The following ABCF3 variants were observed in gnomAD, a reference collection of about 807,000 sequenced individuals.
The protein encoded by ABCF3 is ATP binding cassette subfamily F member 3.
A neutral mutation model predicts 94.3 loss-of-function variants in ABCF3; 62 were observed. The ratio of observed to expected loss-of-function variants is 0.66; its 90% CI spans 0.54 to 0.81. The LOEUF (loss-of-function observed/expected upper bound fraction) is 0.81. Among genes scored for constraint, ABCF3 ranks in the 40% least tolerant of loss-of-function variants. The pLI, the probability that ABCF3 is intolerant of heterozygous loss-of-function variation, is 0.00. For missense variants in ABCF3, 843 were observed against 925.3 expected (o/e 0.91, Z 1.15); for synonymous variants, 355 against 361.1 (o/e 0.98, Z 0.19).
intron 2 of ABCF3, 66 bp downstream of exon 2, chr3:184,186,720 G>T: frequency 6.3e-7 from 1 of 1,591,334 alleles, no homozygotes; most frequent in South Asian, 1.1e-5. Context: ...GACAAGAGGT[G>T]GGGGAGGAAG....
In ABCF3 at chr3:184,192,653, A is replaced by G; in HGVS notation, c.1622A>G (p.Asp541Gly). ...ACCATGCTGAAGCTGCTTTTGGGGG[A>G]CCTGGCACCTGTTCGGGGCATCAGA... is the stretch of plus-strand genomic sequence containing the variant. ...KSTMLKLLLG[D>G]LAPVRGIRHA... is the part of the protein sequence containing the mutation. The change falls in exon 17 of 21, where the codon GAC becomes GGC. Residue 541 changes from aspartate to glycine, a missense_variant. Asp to Gly is a moderately conservative substitution (Grantham distance 94). Transcript: ENST00000429586. The G allele has an allele frequency of 1.9e-6, 3 of 1,610,116 alleles. No homozygotes were observed. Among genetic ancestry groups the G allele is most frequent in the Non-Finnish European group, 2.5e-6 (3 of 1,179,088 alleles).
chr3:184,186,498 C>G lies in ABCF3; in HGVS notation c.74-9C>G, dbSNP rs377604229. 1 of 1,605,932 alleles carries G rather than the reference C, an allele frequency of 6.2e-7. No individual in the cohort carries two copies. The highest frequency in any genetic ancestry group is 1.3e-5 in the African/African-American group (1 of 74,828). ...CGATACCTTCCTCGTTCTACCACGC[C>G]CTGCCCAGGCGTCTTGCACAGCGGC... On this transcript the variant is annotated splice_polypyrimidine_tract_variant and intron_variant, in intron 1 of 20. Coordinates refer to ENST00000429586, the MANE Select transcript of ABCF3 (RefSeq NM_018358.3).
Position 184,193,036 on chromosome 3 carries a change from G to T in ABCF3, c.1751-66G>T. Reference sequence around the variant, plus strand: ...TGGAAGGACATGGGGACTTGGAGGTGTGGCTGGAGGGCACAGGGAGGGTGT... The same window carrying T: ...TGGAAGGACATGGGGACTTGGAGGTTTGGCTGGAGGGCACAGGGAGGGTGT... On this transcript the variant is annotated intron_variant, in intron 18 of 20. Transcript: ENST00000429586. This position sits in a 1 kb window ranked among gnomAD's most constrained non-coding sequence, Gnocchi z 5.2. The T allele has an allele frequency of 6.5e-7, 1 of 1,544,268 alleles. No individual in the cohort carries two copies.
intron 11 of ABCF3, 26 bp from the exon 12 acceptor site, chr3:184,189,362 A>T (rs1415877492): frequency 6.2e-7 from 1 of 1,613,974 alleles, no homozygotes; most frequent in Non-Finnish European, 8.5e-7. Flanking sequence ...CTTCAATCCC[A>T]AGTGTGTGCT....
chr3:184,191,089 G>T, intron 15 of ABCF3, 34 bp from the exon 16 acceptor site: 2 of 1,614,224 alleles, frequency 1.2e-6, no homozygotes, highest in South Asian at 2.2e-5. Flanking sequence ...CTTGCTTCCA[G>T]CTGCCCCCAC....
chr3:184,193,916 G>T lies in ABCF3; in HGVS notation c.*218G>T. On this transcript the variant is annotated 3_prime_UTR_variant, in exon 21 of 21. Transcript: ENST00000429586. The surrounding 1 kb of genome is among the most constrained non-coding windows in gnomAD (Gnocchi z 5.2). ...GTCTCCCGGGGGTGGGGGTCTGGGG[G>T]GTACCCTCTGGGGTTATAGATTCCC... 1 of 593,202 alleles carries T rather than the reference G, an allele frequency of 1.7e-6. No individual in the cohort carries two copies. Among genetic ancestry groups the T allele is most frequent in the Non-Finnish European group, 2.9e-6 (1 of 349,750 alleles). The allele number at this position is 593,202 out of a possible 1,614,324, so 36.7% of individuals were successfully genotyped here. A position where few individuals can be genotyped will look rare whatever the true frequency, so the allele number is the denominator to read the frequency against.
Position 184,189,670 on chromosome 3 carries a change from T to C in ABCF3, c.1227T>C (p.Phe409=). The part of the protein sequence containing the change: ...SQRLDGYRGD[F]ETFIKSKQER... ...GGCTAGATGGTTACCGGGGAGACTT[T>C]GAGACCTTCATCAAGAGTAAGCAGG... Residue 409 remains phenylalanine, a synonymous_variant, in exon 13 of 21, where the codon TTT becomes TTC. Coordinates refer to ENST00000429586, the MANE Select transcript of ABCF3 (RefSeq NM_018358.3). 6.2e-7 allele frequency: 1 copy of C among 1,614,206 alleles called. No individual in the cohort carries two copies. Among genetic ancestry groups the C allele is most frequent in the Non-Finnish European group, 8.5e-7 (1 of 1,180,044 alleles).
chr3:184,187,853 C>G lies in ABCF3; in HGVS notation c.447-8C>G. The G allele has an allele frequency of 6.2e-7, 1 of 1,614,116 alleles. No individual in the cohort carries two copies. The highest frequency in any genetic ancestry group is 1.1e-5 in the South Asian group (1 of 91,080). ...AGCACTAAGAGCTGTCCATTTCTCC[C>G]TTTAAAGAGTCTTAGAAGAGGCATC... On this transcript the variant is annotated splice_region_variant and splice_polypyrimidine_tract_variant and intron_variant, in intron 5 of 20. Coordinates refer to ENST00000429586, the MANE Select transcript of ABCF3 (RefSeq NM_018358.3).
At chr3:184,186,754 C>G in intron 2 of ABCF3, 42 bp from the exon 3 acceptor site, 9 of 1,602,630 alleles carry the variant, frequency 5.6e-6, no homozygotes, top group Non-Finnish European at 7.7e-6. Context: ...AGAGCTTTTC[C>G]CTCAACTCCT....
At chr3:184,192,772 T>C (rs1716110871) in intron 17 of ABCF3, 33 bp from the exon 18 acceptor site, 2 of 1,613,316 alleles carry the variant, frequency 1.2e-6, no homozygotes, top group South Asian at 2.2e-5. Context: ...CCATTGCCTT[T>C]GTCTGTTTTT....
In ABCF3 at chr3:184,186,502, C is replaced by T; in HGVS notation, c.74-5C>T. 4 of 1,607,772 alleles carry T rather than the reference C, an allele frequency of 2.5e-6. No homozygotes were observed. The highest frequency in any genetic ancestry group is 3.4e-6 in the Non-Finnish European group (4 of 1,176,596). Reference sequence around the variant, plus strand: ...ACCTTCCTCGTTCTACCACGCCCTGCCCAGGCGTCTTGCACAGCGGCAGCG... The same window carrying T: ...ACCTTCCTCGTTCTACCACGCCCTGTCCAGGCGTCTTGCACAGCGGCAGCG... On this transcript the variant is annotated splice_polypyrimidine_tract_variant and splice_region_variant and intron_variant, in intron 1 of 20. Transcript: ENST00000429586.
At chr3:184,189,995 C>A in intron 14 of ABCF3, 64 bp downstream of exon 14, 2 of 1,558,922 alleles carry the variant, frequency 1.3e-6, no homozygotes, top group Non-Finnish European at 1.8e-6. Context: ...CGCATTTGCA[C>A]GCCACCCTTG....
rs1033878765 is a variant in ABCF3 at position 184,193,780 on chromosome 3, C to T, written c.*82C>T. The T allele has an allele frequency of 1.2e-5, 17 of 1,433,828 alleles. No individual in the cohort carries two copies. Among genetic ancestry groups the T allele is most frequent in the Admixed American group, 5.5e-5 (2 of 36,660 alleles). The allele number at this position is 1,433,828 out of a possible 1,614,324, so 88.8% of individuals were successfully genotyped here. On this transcript the variant is annotated 3_prime_UTR_variant, in exon 21 of 21. Coordinates refer to ENST00000429586, the MANE Select transcript of ABCF3 (RefSeq NM_018358.3). The surrounding 1 kb of genome is among the most constrained non-coding windows in gnomAD (Gnocchi z 5.2). ...CACCATGTAGGCCACCACTCCAGGC[C>T]GTGGACTTCCCCCAACTTGGGGACA...
Position 184,188,222 on chromosome 3 carries a change from A to G in ABCF3, c.651A>G (p.Thr217=). The change falls in exon 7 of 21, where the codon ACA becomes ACG. Residue 217 remains threonine (T), a synonymous_variant. Coordinates refer to ENST00000429586, the MANE Select transcript of ABCF3 (RefSeq NM_018358.3). ...GLVGRNGLGK[T]TLLKMLATRS... ...TGGGGCGGAATGGGTTGGGGAAGACAACGTTACTGAAGATGCTGGCCACCC... is the reference window on the plus strand; with the variant it reads ...TGGGGCGGAATGGGTTGGGGAAGACGACGTTACTGAAGATGCTGGCCACCC... The G allele has an allele frequency of 6.2e-7, 1 of 1,614,150 alleles. No individual in the cohort carries two copies. The highest frequency in any genetic ancestry group is 8.5e-7 in the Non-Finnish European group (1 of 1,180,036).
At position 184,193,003 on chromosome 3, in the gene ABCF3, A is replaced by G; in HGVS notation, c.1751-99A>G. ...GGGTGCGTGCAGAGCAGCCCCGCCA[A>G]GCCTAGATGGAAGGACATGGGGACT... is the stretch of plus-strand genomic sequence containing the variant. On this transcript the variant is annotated intron_variant, in intron 18 of 20. Coordinates refer to ENST00000429586, the MANE Select transcript of ABCF3 (RefSeq NM_018358.3). This position sits in a 1 kb window ranked among gnomAD's most constrained non-coding sequence, Gnocchi z 5.2. 1 of 1,558,728 alleles carries G rather than the reference A, an allele frequency of 6.4e-7. No homozygotes were observed. Among genetic ancestry groups the G allele is most frequent in the Non-Finnish European group, 8.7e-7 (1 of 1,149,798 alleles).
rs776443439 is a variant in ABCF3, at chr3:184,193,565, A to G, written c.1997A>G (p.Asp666Gly). ...GGTGGTGTGATTCTGGTGTCCCACG[A>G]TGAGCGCTTTATCAGGCTGGTGTGC... ...FRGGVILVSH[D>G]ERFIRLVCRE... Residue 666 changes from aspartate (D) to glycine (G), a missense_variant, in exon 21 of 21, where the codon GAT becomes GGT. Physicochemically the swap from Asp to Gly is moderately conservative, Grantham distance 94. Coordinates refer to ENST00000429586, the MANE Select transcript of ABCF3 (RefSeq NM_018358.3). The surrounding 1 kb of genome is among the most constrained non-coding windows in gnomAD (Gnocchi z 5.2). 9.9e-6 allele frequency: 16 copies of G among 1,614,004 alleles called. No individual in the cohort carries two copies. Among genetic ancestry groups the G allele is most frequent in the Non-Finnish European group, 1.2e-5 (14 of 1,180,026 alleles).
intron 3 of ABCF3, 67 bp downstream of exon 3, chr3:184,186,942 C>A: frequency 6.6e-7 from 1 of 1,505,346 alleles, no homozygotes; most frequent in Non-Finnish European, 9.1e-7. Flanking sequence ...CCATCTGCTG[C>A]CTGCAGCTTA....
chr3:184,192,618 T>G lies in ABCF3; in HGVS notation c.1587T>G (p.Ala529=). ...SRICVVGENG[A]GKSTMLKLLL... ...TTCTTAAGGTTGGAGAGAATGGGGCTGGGAAGTCTACCATGCTGAAGCTGC... is the reference window on the plus strand; with the variant it reads ...TTCTTAAGGTTGGAGAGAATGGGGCGGGGAAGTCTACCATGCTGAAGCTGC... The change falls in exon 17 of 21, where the codon GCT becomes GCG. Residue 529 remains alanine, a synonymous_variant. Coordinates refer to ENST00000429586, the MANE Select transcript of ABCF3 (RefSeq NM_018358.3). 1.2e-6 allele frequency: 2 copies of G among 1,610,008 alleles called. No individual in the cohort carries two copies. The highest frequency in any genetic ancestry group is 1.7e-6 in the Non-Finnish European group (2 of 1,179,156).
chr3:184,189,389 A>G lies in ABCF3; in HGVS notation c.1059A>G (p.Glu353=). 1.2e-6 allele frequency: 2 copies of G among 1,614,090 alleles called. No homozygotes were observed. Among genetic ancestry groups the G allele is most frequent in the South Asian group, 1.1e-5 (1 of 91,084 alleles). Residue 353 remains glutamate (E), a splice_region_variant and synonymous_variant, in exon 12 of 21, where the codon GAA becomes GAG. Transcript: ENST00000429586. ...FARPDLLLLD[E]PTNMLDVRAI... ...GTGTGTGCTCCCCTGCTTCTCCAGA[A>G]CCTACAAACATGCTGGATGTCAGGG...
Sources: gnomAD v4.1 joint callset for allele counts on GRCh38, gnomAD v4.1.1 for gene constraint, Gnocchi (gnomAD v3.1) non-coding constraint, MANE v1.5 for transcripts, NCBI Gene and HGNC (gene_info 2026-07-23, HGNC 2026-07-21) for gene names.